PIWIL1: variants seen among roughly 807,000 people sequenced by gnomAD.
The protein encoded by PIWIL1 is piwi-like protein 1.
PIWIL1 carries 73 observed loss-of-function variants against 114.4 expected under a neutral mutation model. That is an observed-to-expected ratio of 0.64 (90% CI 0.53 to 0.78). The LOEUF (loss-of-function observed/expected upper bound fraction) is 0.78. Among genes scored for constraint, PIWIL1 ranks in the 30% least tolerant of loss-of-function variants. The pLI is 0.00. For synonymous variants in PIWIL1, 375 were observed against 369.0 expected (o/e 1.02, Z -0.19); for missense variants, 723 against 1,063.1 (o/e 0.68, Z 4.45).
intron 1 of PIWIL1, 95 bp from the exon 2 acceptor site, chr12:130,342,485 T>G: frequency 2.7e-6 from 2 of 741,418 alleles, no homozygotes; most frequent in Non-Finnish European, 4.7e-6. Flanking sequence ...GGGAGCTTAC[T>G]TTTGAAACTC....
the PIWIL1 span, chr12:130,424,275 C>T: frequency 1.6e-6 from 2 of 1,231,870 alleles, no homozygotes; most frequent in Non-Finnish European, 2.0e-6. This position sits in a 1 kb window ranked among gnomAD's most constrained non-coding sequence, Gnocchi z 9.8. Flanking sequence ...GCCGTGCTTC[C>T]TGGGGGGCGG....
chr12:130,372,009 T>C lies in PIWIL1; in HGVS notation c.*411T>C, dbSNP rs1395463962. On this transcript the variant is annotated 3_prime_UTR_variant, in exon 21 of 21. Transcript: ENST00000245255. ...ATACCTGTTTTGAATTTAAAGGAGA[T>C]AAGAGGCGTAAAGTAGGATGCTCAC... 1 of 155,108 alleles carries C rather than the reference T, an allele frequency of 6.4e-6. No individual in the cohort carries two copies. Among genetic ancestry groups the C allele is most frequent in the East Asian group, 1.9e-4 (1 of 5,288 alleles). 9.6% of individuals were successfully genotyped at this position (155,108 alleles called of 1,614,324 possible).
chr12:130,346,967 G>A lies in PIWIL1; in HGVS notation c.558G>A (p.Arg186=), dbSNP rs771894282. The A allele has an allele frequency of 4.3e-6, 7 of 1,613,216 alleles. No individual in the cohort carries two copies. Among genetic ancestry groups the A allele is most frequent in the Non-Finnish European group, 5.9e-6 (7 of 1,179,682 alleles). ...QKVTEVFSKT[R]NGEDVRITIT... ...TTACTGAAGTTTTTAGTAAGACCCGGAATGGAGAGGATGTGAGGATAACGA... is the reference window on the plus strand; with the variant it reads ...TTACTGAAGTTTTTAGTAAGACCCGAAATGGAGAGGATGTGAGGATAACGA... Residue 186 remains arginine, a synonymous_variant, in exon 6 of 21, where the codon CGG becomes CGA. Coordinates refer to ENST00000245255, the MANE Select transcript of PIWIL1 (RefSeq NM_004764.5).
chr12:130,411,753 G>A, the PIWIL1 span, among the ~76,000 whole-genome samples: 25 of 152,112 alleles, frequency 1.6e-4, no homozygotes, highest in Non-Finnish European at 2.1e-4. Flanking sequence ...TAATGTGGGC[G>A]ATATATTCAC....
At chr12:130,395,463 A>G in the PIWIL1 span, among the ~76,000 whole-genome samples, 1 of 152,150 alleles carries the variant, frequency 6.6e-6, no homozygotes, top group South Asian at 2.1e-4. Flanking sequence ...GGGGGAAGAA[A>G]AGCTAAGACC....
chr12:130,406,715 C>G, the PIWIL1 span, among the ~76,000 whole-genome samples: 6 of 152,196 alleles, frequency 3.9e-5, no homozygotes, highest in African/African-American at 1.4e-4. Context: ...AGTGCAACCT[C>G]GGCCCACTGC....
In PIWIL1 at chr12:130,345,847, G is replaced by A. The variant is rs2136133558; in HGVS notation, c.285G>A (p.Gln95=). 6.2e-7 allele frequency: 1 copy of A among 1,613,914 alleles called. No individual in the cohort carries two copies. The highest frequency in any genetic ancestry group is 2.2e-5 in the East Asian group (1 of 44,858). ...DFHDLGVNTR[Q]NLDHVKESKT... ...ATGATCTTGGTGTGAATACAAGGCA[G>A]AACCTAGACCATGTTAAAGAATCAA... The change falls in exon 4 of 21, where the codon CAG becomes CAA. Residue 95 remains glutamine, a synonymous_variant. Coordinates refer to ENST00000245255, the MANE Select transcript of PIWIL1 (RefSeq NM_004764.5).
At position 130,354,937 on chromosome 12, in the gene PIWIL1, C is replaced by G. The variant is rs185995248; in HGVS notation, c.1221C>G (p.Ala407=). 2.5e-4 allele frequency: 409 copies of G among 1,613,752 alleles called. 2 individuals are homozygous for G. In the South Asian group the frequency reaches 4.2e-3, roughly 17 times the overall value. ...ATTTTAACGTGATGAAAGACTTAGC[C>G]GTTCATACAAGACTAACTCCAGAGC... ...RNDFNVMKDL[A]VHTRLTPEQR... Residue 407 remains alanine, a synonymous_variant, in exon 11 of 21, where the codon GCC becomes GCG. Coordinates refer to ENST00000245255, the MANE Select transcript of PIWIL1 (RefSeq NM_004764.5).
the PIWIL1 span, among the ~76,000 whole-genome samples, chr12:130,392,060 C>T: frequency 8.0e-6 from 1 of 124,246 alleles, no homozygotes; most frequent in Non-Finnish European, 1.8e-5. Flanking sequence ...TTGTGATGAC[C>T]CGGTCACCGT....
At chr12:130,351,675 C>T (rs2073214940) in intron 9 of PIWIL1, 1 of 152,184 alleles carries the variant, frequency 6.6e-6, no homozygotes, top group Admixed American at 6.5e-5. Flanking sequence ...ATGAGTCACA[C>T]GTCAGATCTC....
At chr12:130,359,434 C>A (rs867663941) in intron 14 of PIWIL1, among the ~76,000 whole-genome samples, 1 of 152,204 alleles carries the variant, frequency 6.6e-6, no homozygotes, top group African/African-American at 2.4e-5. Context: ...GCACTCTACA[C>A]CCCCATGCCC....
chr12:130,395,452 G>A, the PIWIL1 span, among the ~76,000 whole-genome samples: 2 of 152,108 alleles, frequency 1.3e-5, no homozygotes, highest in Admixed American at 1.3e-4. Flanking sequence ...TTATAAAATA[G>A]GGGGGAAGAA....
the PIWIL1 span, chr12:130,384,040 A>C: frequency 6.6e-6 from 1 of 152,158 alleles, no homozygotes; most frequent in East Asian, 1.9e-4. Context: ...CCAAACTACA[A>C]ATCTTCCATA....
chr12:130,342,678 T>C lies in PIWIL1; in HGVS notation c.78+9T>C. The C allele has an allele frequency of 3.7e-6, 6 of 1,602,812 alleles. No individual in the cohort carries two copies. The highest frequency in any genetic ancestry group is 5.1e-6 in the Non-Finnish European group (6 of 1,170,124). On this transcript the variant is annotated intron_variant, in intron 2 of 20. Transcript: ENST00000245255. ...TGGTGGGCTCCACTGCCGTGAGTGC[T>C]TCACCGTTTCTGACTACAGAAAATG...
At chr12:130,424,698 CTGGGGGACGGCCCTGCACCCTG>C in the PIWIL1 span, 2 of 1,232,110 alleles carry the variant, frequency 1.6e-6, no homozygotes, top group Non-Finnish European at 2.0e-6. The surrounding 1 kb of genome is among the most constrained non-coding windows in gnomAD (Gnocchi z 9.8). Flanking sequence ...CGTCCTGGCC[CTGGGGGACGGCCCTGCACCCTG>C]CTTGTGTAGC....
chr12:130,407,639 G>A, the PIWIL1 span: 1 of 1,023,858 alleles, frequency 9.8e-7, no homozygotes, highest in Non-Finnish European at 1.6e-6. Context: ...ATGAGGAGGT[G>A]AACACACGTG....
downstream of PIWIL1, among the ~76,000 whole-genome samples, chr12:130,375,029 C>T (rs929360437): frequency 1.3e-5 from 2 of 152,018 alleles, no homozygotes; most frequent in Non-Finnish European, 2.9e-5. Flanking sequence ...CCAGACACCC[C>T]GACCCCCGCA....
chr12:130,393,036 C>T, the PIWIL1 span, among the ~76,000 whole-genome samples: 4 of 110,964 alleles, frequency 3.6e-5, no homozygotes, highest in East Asian at 2.8e-4. Flanking sequence ...ACCGTCATCA[C>T]GTGTGTCCGT....
At chr12:130,399,649 A>T in the PIWIL1 span, 1 of 1,612,702 alleles carries the variant, frequency 6.2e-7, no homozygotes, top group Non-Finnish European at 8.5e-7. Context: ...AACGGGACAG[A>T]GATTAAAAAG....
Sources: allele counts gnomAD v4.1 joint callset (sites outside exome capture counted in the v4.1 genomes callset), GRCh38; gene constraint gnomAD v4.1.1; non-coding constraint Gnocchi (gnomAD v3.1); transcripts MANE v1.5; gene names NCBI Gene and HGNC (gene_info 2026-07-23, HGNC 2026-07-21).